The following PCSK2 variants were observed in gnomAD, a reference collection of about 807,000 sequenced individuals.
PCSK2 encodes the protein neuroendocrine convertase 2.
PCSK2 carries 14 observed loss-of-function variants against 69.7 expected under a neutral mutation model. The ratio of observed to expected loss-of-function variants is 0.20; its 90% CI spans 0.13 to 0.31. PCSK2 has a LOEUF of 0.31. Ranked by LOEUF, PCSK2 falls within the 10% of genes least tolerant of loss-of-function variation. The pLI is 1.00. For synonymous variants in PCSK2, 307 were observed against 320.7 expected, an observed-to-expected ratio of 0.96 and a Z score of 0.46; for missense variants, 544 against 842.5, an observed-to-expected ratio of 0.65 and a Z score of 4.39.
chr20:17,334,785 A>T (rs1990300256), intron 2 of PCSK2, among the ~76,000 whole-genome samples: 1 of 152,200 alleles, frequency 6.6e-6, no homozygotes, highest in Admixed American at 6.5e-5. Context: ...TGCGCCACCA[A>T]CTGAATCTTC....
chr20:17,286,985 C>T (rs570602749), intron 2 of PCSK2, among the ~76,000 whole-genome samples: 23 of 152,298 alleles, frequency 1.5e-4, no homozygotes, highest in Middle Eastern at 3.4e-3. Flanking sequence ...GCTGGAAATG[C>T]CAACAAGAAT....
chr20:17,388,161 G>C (rs926558561), intron 5 of PCSK2, among the ~76,000 whole-genome samples: 2 of 152,086 alleles, frequency 1.3e-5, no homozygotes, highest in Non-Finnish European at 2.9e-5. Flanking sequence ...GGAAAAATAT[G>C]GCATGAGATG....
chr20:17,319,360 G>A (rs949083087), intron 2 of PCSK2, among the ~76,000 whole-genome samples: 20 of 152,144 alleles, frequency 1.3e-4, no homozygotes, highest in South Asian at 4.1e-4. Context: ...GGTTCCTCAC[G>A]CAGAGGCAAT....
intron 4 of PCSK2, among the ~76,000 whole-genome samples, chr20:17,365,867 C>A (rs976262882): frequency 6.6e-6 from 1 of 152,200 alleles, no homozygotes. Flanking sequence ...GCTGGGCCTC[C>A]AAGGCTCCTA....
intron 2 of PCSK2, among the ~76,000 whole-genome samples, chr20:17,283,545 G>A (rs1362735215): frequency 6.6e-6 from 1 of 152,174 alleles, no homozygotes; most frequent in African/African-American, 2.4e-5. Flanking sequence ...TGCTGAGGCT[G>A]GGCTTCCATA....
intron 11 of PCSK2, chr20:17,479,148 G>T: frequency 7.3e-7 from 1 of 1,372,698 alleles, no homozygotes. Flanking sequence ...CCCATCTTAC[G>T]GTACAGGTTC....
intron 7 of PCSK2, among the ~76,000 whole-genome samples, chr20:17,433,418 C>T (rs977674452): frequency 6.6e-6 from 1 of 152,208 alleles, no homozygotes; most frequent in African/African-American, 2.4e-5. Flanking sequence ...AGCTAATATT[C>T]ATGAGCACAA....
In PCSK2 at chr20:17,453,833, T is replaced by G; in HGVS notation, c.977T>G (p.Met326Arg). Residue 326 changes from methionine (M) to arginine (R), a missense_variant, in exon 9 of 12, where the codon ATG becomes AGG. By Grantham distance (91) the Met-to-Arg change is moderately conservative. This residue lies in a region of PCSK2 where 187 missense variants were observed against 399.8 expected (regional missense o/e 0.47). Transcript: ENST00000262545. The surrounding 1 kb of genome is among the most constrained non-coding windows in gnomAD (Gnocchi z 4.0). ...AACTGCGACGGCTACGCCTCCAGCA[T>G]GTGGACCATCTCCATCAACTCAGCC... ...DCNCDGYASSMWTISINSAIN... is the reference protein window; with the variant it reads ...DCNCDGYASSRWTISINSAIN... 6.2e-7 allele frequency: 1 copy of G among 1,614,254 alleles called. No homozygotes were observed. Among genetic ancestry groups the G allele is most frequent in the Non-Finnish European group, 8.5e-7 (1 of 1,180,050 alleles).
At chr20:17,318,158 G>A (rs1989746643) in intron 2 of PCSK2, among the ~76,000 whole-genome samples, 2 of 152,102 alleles carry the variant, frequency 1.3e-5, no homozygotes, top group African/African-American at 4.8e-5. Context: ...GCTCCTATTT[G>A]GAACATAGTT....
intron 2 of PCSK2, among the ~76,000 whole-genome samples, chr20:17,296,031 C>T (rs186300845): frequency 2.0e-5 from 3 of 152,310 alleles, no homozygotes; most frequent in East Asian, 3.9e-4. Flanking sequence ...GTTATAGTTC[C>T]ATAACCTCAG....
In PCSK2 at chr20:17,433,785, T is replaced by TTCTCTCTC. The variant is rs369676259; in HGVS notation, c.710-2902_710-2895dup. Among the ~76,000 whole-genome samples the TTCTCTCTC allele has an allele frequency of 7.8e-3, 320 of 40,838 alleles. 28 individuals carry two copies. The highest frequency in any genetic ancestry group is 0.02 in the African/African-American group (235 of 11,714). 26.8% of individuals were successfully genotyped at this position (40,838 alleles called of 152,430 possible). ...GACACAGACTCCTAGCTCCTTTGAT[T>TTCTCTCTC]TCTCTCTCTCTCTCTCTCTCTCTCT... On this transcript the variant is annotated intron_variant, in intron 7 of 11. Transcript: ENST00000262545.
intron 11 of PCSK2, among the ~76,000 whole-genome samples, chr20:17,470,427 C>T (rs145510987): frequency 9.5e-4 from 145 of 152,228 alleles, no homozygotes; most frequent in African/African-American, 2.9e-3. Flanking sequence ...TTGTGCAAAC[C>T]GAATGGGAAG....
rs528344186 is a variant in PCSK2 at position 17,481,879 on chromosome 20, G to A, written c.1726G>A (p.Gly576Ser). The change falls in exon 12 of 12, where the codon GGC becomes AGC. Residue 576 changes from glycine to serine, a missense_variant. Coordinates refer to ENST00000262545, the MANE Select transcript of PCSK2 (RefSeq NM_002594.5). Reference protein sequence around the residue: ...GTWTLELGFVGSAPQKGVLKE... With the variant: ...GTWTLELGFVSSAPQKGVLKE... Reference sequence around the variant, plus strand: ...CTGGACCCTGGAGCTGGGATTTGTCGGCAGCGCCCCGCAGAAGGGGGTGCT... The same window carrying A: ...CTGGACCCTGGAGCTGGGATTTGTCAGCAGCGCCCCGCAGAAGGGGGTGCT... 8.1e-6 allele frequency: 13 copies of A among 1,614,016 alleles called. No individual in the cohort carries two copies. Among genetic ancestry groups the A allele is most frequent in the South Asian group, 5.5e-5 (5 of 91,076 alleles).
At position 17,358,395 on chromosome 20, in the gene PCSK2, C is replaced by T. The variant is rs771573220; in HGVS notation, c.351C>T (p.Ile117=). ...KKRGYRDINE[I]DINMNDPLFT... is the part of the protein sequence containing the mutation. ...GAGGTTACAGAGACATCAATGAGAT[C>T]GACATCAACATGAACGATCCTCTTT... The change falls in exon 3 of 12, where the codon ATC becomes ATT. Residue 117 remains isoleucine (I), a synonymous_variant. Coordinates refer to ENST00000262545, the MANE Select transcript of PCSK2 (RefSeq NM_002594.5). The T allele has an allele frequency of 1.2e-5, 19 of 1,611,616 alleles. No individual in the cohort carries two copies. The highest frequency in any genetic ancestry group is 4.4e-5 in the South Asian group (4 of 91,032).
At chr20:17,241,580 T>C (rs1246099188) in intron 1 of PCSK2, among the ~76,000 whole-genome samples, 1 of 152,206 alleles carries the variant, frequency 6.6e-6, no homozygotes, top group Non-Finnish European at 1.5e-5. Flanking sequence ...TAATAGATGA[T>C]GCCACTAGGA....
chr20:17,271,383 G>A (rs1987860368), intron 2 of PCSK2, among the ~76,000 whole-genome samples: 1 of 151,798 alleles, frequency 6.6e-6, no homozygotes, highest in Admixed American at 6.6e-5. Flanking sequence ...AGGAGTGGGG[G>A]TCCTTAAAAT....
intron 9 of PCSK2, 97 bp downstream of exon 9, chr20:17,454,054 C>G (rs912830886): frequency 1.6e-5 from 25 of 1,522,630 alleles, no homozygotes; most frequent in African/African-American, 5.5e-5. Context: ...CTCCTGTCCC[C>G]TCCCTCAGAG....
chr20:17,256,069 G>A (rs979308611), intron 1 of PCSK2, among the ~76,000 whole-genome samples: 14 of 152,200 alleles, frequency 9.2e-5, no homozygotes, highest in African/African-American at 3.4e-4. Context: ...AACTAATCAG[G>A]ATTAGTAGAA....
intron 2 of PCSK2, among the ~76,000 whole-genome samples, chr20:17,288,845 T>C (rs1171260346): frequency 3.9e-5 from 6 of 152,236 alleles, no homozygotes. Context: ...CCCCAGTCTA[T>C]GGTACTTTGT....
Sources: gnomAD v4.1 joint callset for allele counts (sites outside exome capture counted in the v4.1 genomes callset) on GRCh38, gnomAD v4.1.1 for gene constraint, gnomAD v4.1.1 regional missense constraint, Gnocchi (gnomAD v3.1) non-coding constraint, MANE v1.5 for transcripts, NCBI Gene and HGNC (gene_info 2026-07-23, HGNC 2026-07-21) for gene names.